Variants in BIRC5 observed in about 807,000 individuals in gnomAD.
BIRC5 encodes baculoviral IAP repeat containing 5, also known as baculoviral IAP repeat-containing protein 5.
BIRC5 carries 8 observed loss-of-function variants against 15.8 expected under a neutral mutation model. The ratio of observed to expected loss-of-function variants is 0.51; its 90% confidence interval spans 0.30 to 0.91. The LOEUF is 0.91. Ranked by LOEUF, BIRC5 falls within the 40% of genes least tolerant of loss-of-function variation. BIRC5 has a pLI of 0.07. For missense variants in BIRC5, 163 were observed against 178.6 expected, an observed-to-expected ratio of 0.91 and a Z score of 0.50; for synonymous variants, 56 against 64.5, an observed-to-expected ratio of 0.87 and a Z score of 0.63.
Position 78,216,707 on chromosome 17 carries a change from G to C in BIRC5, c.265G>C (p.Val89Leu), listed in dbSNP as rs376560568. 6.8e-6 allele frequency: 11 copies of C among 1,613,966 alleles called. No homozygotes were observed. In the African/African-American group the frequency reaches 1.2e-4, roughly 18 times the overall value. ...KHSSGCAFLS[V>L]KKQFEELTLG... ...TTCGTCCGGTTGCGCTTTCCTTTCT[G>C]TCAAGAAGCAGTTTGAAGAATTAAC... The change falls in exon 3 of 4, where the codon GTC (valine) becomes CTC (leucine). Residue 89 changes from valine to leucine, a missense_variant. Val to Leu is a conservative substitution (Grantham distance 32). Transcript: ENST00000350051.
rs762868101 is a variant in BIRC5, at chr17:78,223,663, G to C, written c.*109G>C. The C allele has an allele frequency of 6.5e-7, 1 of 1,541,754 alleles. No homozygotes were observed. Among genetic ancestry groups the C allele is most frequent in the Admixed American group, 2.1e-5 (1 of 46,734 alleles). Reference sequence around the variant, plus strand: ...GCCCCTTAGCAATGTCTTAGGAAAGGAGATCAACATTTTCAAATTAGATGT... The same window carrying C: ...GCCCCTTAGCAATGTCTTAGGAAAGCAGATCAACATTTTCAAATTAGATGT... On this transcript the variant is annotated 3_prime_UTR_variant, in exon 4 of 4. Coordinates refer to ENST00000350051, the MANE Select transcript of BIRC5 (RefSeq NM_001168.3).
intron 3 of BIRC5, among the ~76,000 whole-genome samples, chr17:78,219,664 T>C (rs1350745546): frequency 6.6e-6 from 1 of 152,202 alleles, no homozygotes; most frequent in Non-Finnish European, 1.5e-5. Context: ...TCAGCCAGCT[T>C]TTCTGCAGCG....
chr17:78,214,773 C>A lies in BIRC5; in HGVS notation c.205C>A (p.Pro69Thr), dbSNP rs1194071099. ...CTTCAAGGAGCTGGAAGGCTGGGAG[C>A]CAGATGACGACCCCATGTAAGTCTT... ...FCFKELEGWE[P>T]DDDPIEEHKK... Residue 69 changes from proline to threonine, a missense_variant, in exon 2 of 4, where the codon CCA becomes ACA. Pro to Thr is a conservative substitution (Grantham distance 38). Coordinates refer to ENST00000350051, the MANE Select transcript of BIRC5 (RefSeq NM_001168.3). The A allele has an allele frequency of 6.2e-7, 1 of 1,612,790 alleles. No homozygotes were observed. Among genetic ancestry groups the A allele is most frequent in the Non-Finnish European group, 8.5e-7 (1 of 1,179,458 alleles).
intron 3 of BIRC5, among the ~76,000 whole-genome samples, chr17:78,220,876 C>T (rs754947507): frequency 2.0e-5 from 3 of 152,016 alleles, no homozygotes; most frequent in Non-Finnish European, 4.4e-5. Context: ...GCGTGTGTTG[C>T]GCTATACAAA....
chr17:78,217,434 C>T (rs2076486877), intron 3 of BIRC5, among the ~76,000 whole-genome samples: 1 of 152,106 alleles, frequency 6.6e-6, no homozygotes, highest in Non-Finnish European at 1.5e-5. Context: ...CCTCAGCCTC[C>T]CAAAGTGCTG....
chr17:78,221,829 G>C (rs1052906205), intron 3 of BIRC5, among the ~76,000 whole-genome samples: 3 of 152,184 alleles, frequency 2.0e-5, no homozygotes, highest in Admixed American at 6.6e-5. Context: ...TATTTTAAAA[G>C]CCATGGTCAT....
intron 3 of BIRC5, among the ~76,000 whole-genome samples, chr17:78,220,427 C>CAAA (rs33943536): frequency 7.5e-6 from 1 of 132,908 alleles, no homozygotes; most frequent in Non-Finnish European, 1.6e-5. Flanking sequence ...GACTCCGTCT[C>CAAA]AAAAAAAAAA....
In BIRC5 at chr17:78,223,558, C is replaced by T. The variant is rs1188637224; in HGVS notation, c.*4C>T. 4 of 1,613,792 alleles carry T rather than the reference C, an allele frequency of 2.5e-6. No homozygotes were observed. The South Asian group carries it at 4.4e-5, about 18-fold the overall frequency. On this transcript the variant is annotated 3_prime_UTR_variant, in exon 4 of 4. Transcript: ENST00000350051. ...GCAGCTGGCTGCCATGGATTGAGGC[C>T]TCTGGCCGGAGCTGCCTGGTCCCAG...
At position 78,223,790 on chromosome 17, in the gene BIRC5, C is replaced by T. The variant is rs1567867151; in HGVS notation, c.*236C>T. The T allele has an allele frequency of 1.3e-4, 105 of 832,666 alleles. No homozygotes were observed. The highest frequency in any genetic ancestry group is 1.6e-4 in the Non-Finnish European group (91 of 584,584). 51.6% of individuals were successfully genotyped at this position (832,666 alleles called of 1,614,324 possible). A position where few individuals can be genotyped will look rare whatever the true frequency, so the allele number is the denominator to read the frequency against. ...AGTGGCTGCTTCTCTCTCTCTCTCTCTTTTTTGGGGGCTCATTTTTGCTGT... is the reference window on the plus strand; with the variant it reads ...AGTGGCTGCTTCTCTCTCTCTCTCTTTTTTTTGGGGGCTCATTTTTGCTGT... On this transcript the variant is annotated 3_prime_UTR_variant, in exon 4 of 4. Coordinates refer to ENST00000350051, the MANE Select transcript of BIRC5 (RefSeq NM_001168.3).
intron 2 of BIRC5, chr17:78,215,814 G>C: frequency 1.1e-6 from 1 of 884,674 alleles, no homozygotes; most frequent in Non-Finnish European, 1.4e-6. Context: ...TTTGGACTTT[G>C]TGTGGCCATG....
intron 3 of BIRC5, among the ~76,000 whole-genome samples, chr17:78,220,668 A>G (rs1437461457): frequency 6.6e-6 from 1 of 152,186 alleles, no homozygotes; most frequent in African/African-American, 2.4e-5. Context: ...TTCAGAATAC[A>G]GAATACTTTT....
intron 3 of BIRC5, among the ~76,000 whole-genome samples, chr17:78,217,334 C>T (rs1317377703): frequency 2.6e-5 from 4 of 151,480 alleles, no homozygotes; most frequent in Admixed American, 1.3e-4. Context: ...TGCCACCACA[C>T]CCAGGTAATT....
At position 78,223,606 on chromosome 17, in the gene BIRC5, T is replaced by C. The variant is rs377394472; in HGVS notation, c.*52T>C. The stretch of plus-strand genomic sequence containing the variant: ...CAGAGTGGCTGCACCACTTCCAGGG[T>C]TTATTCCCTGGTGCCACCAGCCTTC... On this transcript the variant is annotated 3_prime_UTR_variant, in exon 4 of 4. Transcript: ENST00000350051. 2 of 1,609,298 alleles carry C rather than the reference T, an allele frequency of 1.2e-6. No individual in the cohort carries two copies. The highest frequency in any genetic ancestry group is 1.7e-6 in the Non-Finnish European group (2 of 1,177,200).
rs1599032327 is a variant in BIRC5 at position 78,221,525 on chromosome 17, CA to C, written c.340-1939del. Among the ~76,000 whole-genome samples the C allele has an allele frequency of 2.6e-5, 4 of 152,152 alleles. No homozygotes were observed. In the East Asian group the frequency reaches 7.7e-4, roughly 29 times the overall value. ...GACGGCAAGCTCCGCCTCCCAGGTTCACTCCATTCGCCTGCCTCAGCCTCCC... is the reference window on the plus strand; with the variant it reads ...GACGGCAAGCTCCGCCTCCCAGGTTCCTCCATTCGCCTGCCTCAGCCTCCC... On this transcript the variant is annotated intron_variant, in intron 3 of 3. Coordinates refer to ENST00000350051, the MANE Select transcript of BIRC5 (RefSeq NM_001168.3).
At chr17:78,218,206 A>T (rs1174077296) in intron 3 of BIRC5, among the ~76,000 whole-genome samples, 1 of 151,992 alleles carries the variant, frequency 6.6e-6, no homozygotes, top group Admixed American at 6.6e-5. Flanking sequence ...TAAATCCCAC[A>T]TTTTGTGTCA....
Position 78,216,774 on chromosome 17 carries a change from AC to A in BIRC5, c.333del (p.Asn111LysfsTer67). 6.2e-7 allele frequency: 1 copy of A among 1,612,660 alleles called. No homozygotes were observed. The highest frequency in any genetic ancestry group is 8.5e-7 in the Non-Finnish European group (1 of 1,179,108). Reference protein sequence around the residue: ...FLKLDRERAKNKIAKETNNKK... With the variant: ...FLKLDRERAKXKIAKETNNKK... ...AAACTGGACAGAGAAAGAGCCAAGA[AC>A]AAAATTGTATGTATTGGGAATAAGA... On this transcript the variant is annotated frameshift_variant, in exon 3 of 4. Coordinates refer to ENST00000350051, the MANE Select transcript of BIRC5 (RefSeq NM_001168.3). LOFTEE classifies it high-confidence loss of function.
chr17:78,222,884 G>C, intron 3 of BIRC5: 1 of 1,536,060 alleles, frequency 6.5e-7, no homozygotes, highest in Non-Finnish European at 8.7e-7. Context: ...GGAGGGACTG[G>C]AAGCAAAAGA....
At chr17:78,221,250 G>A (rs2145899581) in intron 3 of BIRC5, among the ~76,000 whole-genome samples, 1 of 152,188 alleles carries the variant, frequency 6.6e-6, no homozygotes, top group East Asian at 1.9e-4. Context: ...TGGGTGGCAG[G>A]AGTGTTTTGT....
At chr17:78,215,967 G>T (rs763273198) in intron 2 of BIRC5, 1 of 1,065,466 alleles carries the variant, frequency 9.4e-7, no homozygotes, top group Admixed American at 4.0e-5. Context: ...TCCTTACAGT[G>T]GGCCGGGCAC....
Sources: gnomAD v4.1 joint callset for allele counts (sites outside exome capture counted in the v4.1 genomes callset) on GRCh38, gnomAD v4.1.1 for gene constraint, MANE v1.5 for transcripts, NCBI Gene and HGNC (gene_info 2026-07-23, HGNC 2026-07-21) for gene names.